The following SYNE1 variants were observed in gnomAD, a reference collection of about 807,000 sequenced individuals.
The protein encoded by SYNE1 is nesprin-1.
Under a neutral mutation model 1,111.0 loss-of-function variants are expected in SYNE1, and 616 were observed. The ratio of observed to expected loss-of-function variants is 0.55; its 90% CI spans 0.52 to 0.59. The LOEUF is 0.59. Ranked by LOEUF, SYNE1 falls within the 20% of genes least tolerant of loss-of-function variation. The probability of loss-of-function intolerance (pLI) is 0.00; values close to 1 mark genes in which losing one functional copy is unlikely to be tolerated. For missense variants in SYNE1, 10,006 were observed against 10,417.0 expected (o/e 0.96, Z 1.72); for synonymous variants, 3,855 against 3,825.8 (o/e 1.01, Z -0.28).
At chr6:152,413,613 C>G in intron 41 of SYNE1, 82 bp from the exon 42 acceptor site, 5 of 1,361,618 alleles carry the variant, frequency 3.7e-6, no homozygotes, top group African/African-American at 1.4e-5. Flanking sequence ...TATGATGAGT[C>G]CATAAAGCAC....
At chr6:152,311,582 A>T (rs2095547730) in intron 87 of SYNE1, among the ~76,000 whole-genome samples, 1 of 152,170 alleles carries the variant, frequency 6.6e-6, no homozygotes, top group Admixed American at 6.5e-5. Context: ...TCCGGGAAGA[A>T]TCACATCTGA....
Position 152,122,658 on chromosome 6 carries a change from G to T in SYNE1, c.26172C>A (p.Ser8724=). 6.2e-7 allele frequency: 1 copy of T among 1,613,950 alleles called. No individual in the cohort carries two copies. Residue 8724 remains serine, a synonymous_variant, in exon 146 of 146, where the codon TCC becomes TCA. Transcript: ENST00000367255. ...GCCCTGGCTCAGAAAGGGAGGAATC[G>T]GAGCCACCTTTTGTGGACCTGAGAG... ...SPHSRSTKGG[S]DSSLSEPGPG...
At chr6:152,334,371 T>G (rs2096328578) in intron 76 of SYNE1, 98 bp from the exon 77 acceptor site, 1 of 1,339,734 alleles carries the variant, frequency 7.5e-7, no homozygotes, top group Non-Finnish European at 1.0e-6. Context: ...ACACTCTAAG[T>G]TCCTTAATAT....
intron 4 of SYNE1, among the ~76,000 whole-genome samples, chr6:152,529,644 A>G (rs2099186387): frequency 6.6e-6 from 1 of 152,252 alleles, no homozygotes; most frequent in Non-Finnish European, 1.5e-5. Flanking sequence ...GATTATAATC[A>G]GCAAAGCAAA....
chr6:152,190,742 A>C (rs2072020977), intron 127 of SYNE1, among the ~76,000 whole-genome samples: 1 of 152,218 alleles, frequency 6.6e-6, no homozygotes, highest in Admixed American at 6.5e-5. Flanking sequence ...TCTGGTAACC[A>C]TCTTTCTACT....
At chr6:152,130,047 G>C (rs2055018682) in intron 145 of SYNE1, among the ~76,000 whole-genome samples, 1 of 152,188 alleles carries the variant, frequency 6.6e-6, no homozygotes, top group Non-Finnish European at 1.5e-5. Context: ...GAAGCGCGGA[G>C]TGGCAGCTGT....
At chr6:152,454,050 TCC>T (rs2098674585) in intron 24 of SYNE1, among the ~76,000 whole-genome samples, 1 of 152,184 alleles carries the variant, frequency 6.6e-6, no homozygotes, top group Non-Finnish European at 1.5e-5. Flanking sequence ...GAGCTTCGGT[TCC>T]CCTTTGGTGA....
chr6:152,451,164 C>A lies in SYNE1; in HGVS notation c.3069G>T (p.Lys1023Asn). Reference protein sequence around the residue: ...GEAPYHLLHLKIDVEKNRFLA... With the variant: ...GEAPYHLLHLNIDVEKNRFLA... Reference sequence around the variant, plus strand: ...AGAACCTATTCTTCTCCACATCAATCTTCAGATGAAGCAAATGATAAGGGG... The same window carrying A: ...AGAACCTATTCTTCTCCACATCAATATTCAGATGAAGCAAATGATAAGGGG... Residue 1023 changes from lysine (K) to asparagine (N), a missense_variant, in exon 26 of 146, where the codon AAG becomes AAT. Around this residue, in one of 7 missense-constraint regions of SYNE1, gnomAD observed 1,971 missense variants for 2,084.1 expected, o/e 0.95. Transcript: ENST00000367255. The A allele has an allele frequency of 6.2e-7, 1 of 1,614,116 alleles. No homozygotes were observed. Among genetic ancestry groups the A allele is most frequent in the South Asian group, 1.1e-5 (1 of 91,082 alleles).
At chr6:152,283,685 C>T (rs2094159336) in intron 96 of SYNE1, among the ~76,000 whole-genome samples, 1 of 152,092 alleles carries the variant, frequency 6.6e-6, no homozygotes, top group Non-Finnish European at 1.5e-5. Flanking sequence ...TACAGGCACA[C>T]ACCACCATGT....
At chr6:152,598,386 C>A (rs1205404330) in intron 3 of SYNE1, among the ~76,000 whole-genome samples, 4 of 152,176 alleles carry the variant, frequency 2.6e-5, no homozygotes. Flanking sequence ...GCCCGTTAAA[C>A]CTCTTTCTTT....
At position 152,353,690 on chromosome 6, in the gene SYNE1, T is replaced by C. The variant is rs767172575; in HGVS notation, c.10981A>G (p.Arg3661Gly). The C allele has an allele frequency of 3.9e-5, 63 of 1,612,898 alleles. No homozygotes were observed. Among genetic ancestry groups the C allele is most frequent in the Non-Finnish European group, 5.0e-5 (59 of 1,179,126 alleles). ...CTCTCGTCCAGTATCTCCTGAGCTC[T>C]AGCTCCCACTTCCTCAACTTCATCT... is the stretch of plus-strand genomic sequence containing the variant. ...YRDEVEEVGA[R>G]AQEILDESHV... Residue 3661 changes from arginine (R) to glycine (G), a missense_variant, in exon 68 of 146, where the codon AGA (arginine) becomes GGA (glycine). Transcript: ENST00000367255.
At chr6:152,208,497 G>A (rs1473357253) in intron 124 of SYNE1, among the ~76,000 whole-genome samples, 3 of 152,170 alleles carry the variant, frequency 2.0e-5, no homozygotes, top group Non-Finnish European at 4.4e-5. Context: ...GAGCATGAGA[G>A]GGGAGGAGTG....
chr6:152,200,075 C>A (rs1016772723), intron 127 of SYNE1, among the ~76,000 whole-genome samples: 12 of 152,178 alleles, frequency 7.9e-5, no homozygotes, highest in Admixed American at 3.3e-4. Flanking sequence ...TTCTACCCCC[C>A]CAACTCGAGC....
At chr6:152,135,012 G>A (rs2056733116) in intron 142 of SYNE1, 92 bp downstream of exon 142, 1 of 1,565,760 alleles carries the variant, frequency 6.4e-7, no homozygotes, top group East Asian at 2.2e-5. Flanking sequence ...TAAAAAAAAA[G>A]AAACAACACT....
rs1228613901 is a variant in SYNE1, at chr6:152,390,280, C to T, written c.8177G>A (p.Ser2726Asn). Residue 2726 changes from serine to asparagine, a missense_variant and splice_region_variant, in exon 53 of 146, where the codon AGC becomes AAC. By Grantham distance (46) the Ser-to-Asn change is conservative (BLOSUM62 1). Coordinates refer to ENST00000367255, the MANE Select transcript of SYNE1 (RefSeq NM_182961.4). Reference protein sequence around the residue: ...DIMSSSVHAQSTLESVISQWN... With the variant: ...DIMSSSVHAQNTLESVISQWN... ...CAAACTCTAAAAATAGGTTCTGTACCTTTGAGCGTGGACGGAGGAGCTCAT... is the reference window on the plus strand; with the variant it reads ...CAAACTCTAAAAATAGGTTCTGTACTTTTGAGCGTGGACGGAGGAGCTCAT... 6.2e-7 allele frequency: 1 copy of T among 1,613,914 alleles called. No individual in the cohort carries two copies. The highest frequency in any genetic ancestry group is 8.5e-7 in the Non-Finnish European group (1 of 1,179,928).
chr6:152,362,196 T>C lies in SYNE1; in HGVS notation c.10273A>G (p.Lys3425Glu). 1.9e-6 allele frequency: 3 copies of C among 1,614,266 alleles called. No individual in the cohort carries two copies. Among genetic ancestry groups the C allele is most frequent in the Non-Finnish European group, 2.5e-6 (3 of 1,180,054 alleles). ...TTGGCTTTTCCGAGCATCGTTGTTT[T>C]ATCCCGCAGCTCCGCATGCTGCCTT... is the stretch of plus-strand genomic sequence containing the variant. ...SERQHAELRDKTTMLGKAKLL... is the reference protein window; with the variant it reads ...SERQHAELRDETTMLGKAKLL... The change falls in exon 64 of 146, where the codon AAA becomes GAA. Residue 3425 changes from lysine (K) to glutamate (E), a missense_variant. By Grantham distance (56) the Lys-to-Glu change is moderately conservative. Around this residue, in one of 7 missense-constraint regions of SYNE1, gnomAD observed 4,955 missense variants for 5,017.2 expected, o/e 0.99. Coordinates refer to ENST00000367255, the MANE Select transcript of SYNE1 (RefSeq NM_182961.4).
chr6:152,327,241 G>A (rs907188529), intron 78 of SYNE1, among the ~76,000 whole-genome samples: 2 of 151,828 alleles, frequency 1.3e-5, no homozygotes, highest in Non-Finnish European at 2.9e-5. Flanking sequence ...AGTGAGCTGA[G>A]ATCGTTTCAC....
intron 63 of SYNE1, among the ~76,000 whole-genome samples, chr6:152,364,092 T>G (rs2097003137): frequency 6.6e-6 from 1 of 152,164 alleles, no homozygotes; most frequent in Non-Finnish European, 1.5e-5. Context: ...CTCGTGATAG[T>G]CAGTGAGTGT....
At chr6:152,294,190 GGGTACTGTT>G in intron 93 of SYNE1, 63 bp from the exon 94 acceptor site, 1 of 1,563,240 alleles carries the variant, frequency 6.4e-7, no homozygotes, top group Admixed American at 1.7e-5. Flanking sequence ...AATATGCTCT[GGGTACTGTT>G]GGTCATGTCA....
Sources: gnomAD v4.1 joint callset for allele counts (sites outside exome capture counted in the v4.1 genomes callset) on GRCh38, gnomAD v4.1.1 for gene constraint, gnomAD v4.1.1 regional missense constraint, MANE v1.5 for transcripts, NCBI Gene and HGNC (gene_info 2026-07-23, HGNC 2026-07-21) for gene names.